TRAPPC8: variants seen among roughly 807,000 people sequenced by gnomAD.
TRAPPC8 encodes general sporulation gene 1 homolog.
In TRAPPC8, 54 loss-of-function variants were observed where a neutral mutation model predicts 174.3. The observed-to-expected ratio is 0.31, with a 90% CI of 0.25 to 0.39. The LOEUF (loss-of-function observed/expected upper bound fraction) is 0.39, where lower values mean the gene tolerates loss of function less well. Ranked by LOEUF, TRAPPC8 falls within the 10% of genes least tolerant of loss-of-function variation. The pLI is 1.00. For missense variants in TRAPPC8, 1,531 were observed against 1,699.1 expected (o/e 0.90, Z 1.74); for synonymous variants, 630 against 579.9 (o/e 1.09, Z -1.24).
intron 18 of TRAPPC8, among the ~76,000 whole-genome samples, chr18:31,865,406 A>G (rs2034538677): frequency 1.3e-5 from 2 of 152,026 alleles, no homozygotes; most frequent in Non-Finnish European, 2.9e-5. Flanking sequence ...TTGCAGGACT[A>G]CTTAAAGCCT....
At chr18:31,861,798 G>A (rs1372249663) in intron 19 of TRAPPC8, among the ~76,000 whole-genome samples, 1 of 151,760 alleles carries the variant, frequency 6.6e-6, no homozygotes, top group Non-Finnish European at 1.5e-5. Flanking sequence ...AATTAGCCAG[G>A]TGTGGTGGCA....
At chr18:31,926,173 T>C (rs951777408) in intron 2 of TRAPPC8, among the ~76,000 whole-genome samples, 1 of 152,148 alleles carries the variant, frequency 6.6e-6, no homozygotes, top group Non-Finnish European at 1.5e-5. Flanking sequence ...TTCCCCCGAT[T>C]AAAGTATTTT....
chr18:31,853,799 C>T (rs761614577), intron 22 of TRAPPC8, 50 bp downstream of exon 22: 2 of 1,387,978 alleles, frequency 1.4e-6, no homozygotes, highest in African/African-American at 1.5e-5. Context: ...TCTGGAAAAC[C>T]AAGTAATGAA....
intron 1 of TRAPPC8, chr18:31,939,648 G>A (rs1423348234): frequency 1.3e-5 from 2 of 152,252 alleles, no homozygotes; most frequent in East Asian, 3.9e-4. Context: ...TGGACGCAGT[G>A]GTCCGAGACG....
chr18:31,907,456 C>A lies in TRAPPC8; in HGVS notation c.1389+4G>T. ...AAGGAATTATAATACCATAGAATAC[C>A]AACCAAGGCACCAGCTGCATAAAGC... On this transcript the variant is annotated splice_donor_region_variant and intron_variant, in intron 9 of 28. Transcript: ENST00000283351. The A allele has an allele frequency of 3.2e-6, 5 of 1,563,592 alleles. No individual in the cohort carries two copies. Among genetic ancestry groups the A allele is most frequent in the South Asian group, 2.5e-5 (2 of 81,016 alleles).
intron 24 of TRAPPC8, among the ~76,000 whole-genome samples, chr18:31,852,104 T>C (rs532939629): frequency 6.6e-6 from 1 of 151,756 alleles, no homozygotes; most frequent in African/African-American, 2.4e-5. Flanking sequence ...CTTTGGGAGG[T>C]TGAGGCAGGC....
intron 26 of TRAPPC8, among the ~76,000 whole-genome samples, chr18:31,844,783 C>T (rs570663476): frequency 2.6e-4 from 39 of 151,280 alleles, no homozygotes; most frequent in Non-Finnish European, 4.4e-4. Context: ...AAATTATCTC[C>T]GCACAAATTA....
intron 2 of TRAPPC8, among the ~76,000 whole-genome samples, chr18:31,924,255 A>T (rs1351141878): frequency 6.6e-6 from 1 of 151,770 alleles, no homozygotes; most frequent in Non-Finnish European, 1.5e-5. Flanking sequence ...ATTGCACTCC[A>T]GCCTGGGCAA....
At chr18:31,868,533 C>A (rs937445908) in intron 16 of TRAPPC8, among the ~76,000 whole-genome samples, 5 of 152,008 alleles carry the variant, frequency 3.3e-5, no homozygotes, top group Non-Finnish European at 1.5e-5. Flanking sequence ...ATTCCAGGCA[C>A]CCAAAAGATT....
At chr18:31,878,684 T>C (rs1375139840) in intron 12 of TRAPPC8, among the ~76,000 whole-genome samples, 1 of 152,154 alleles carries the variant, frequency 6.6e-6, no homozygotes, top group Non-Finnish European at 1.5e-5. Context: ...AGCTTAATTG[T>C]TCTACTCAAA....
chr18:31,862,766 T>A (rs753934262), intron 19 of TRAPPC8, among the ~76,000 whole-genome samples: 1 of 151,924 alleles, frequency 6.6e-6, no homozygotes, highest in Non-Finnish European at 1.5e-5. Context: ...AATCATCCAG[T>A]AAGAAGAAAG....
At chr18:31,936,871 C>T (rs1349976529) in intron 1 of TRAPPC8, among the ~76,000 whole-genome samples, 1 of 127,062 alleles carries the variant, frequency 7.9e-6, no homozygotes, top group African/African-American at 3.1e-5. Flanking sequence ...GACGGCACTG[C>T]AGTCTGGGTG....
At chr18:31,846,450 C>T (rs2033406908) in intron 26 of TRAPPC8, among the ~76,000 whole-genome samples, 1 of 152,088 alleles carries the variant, frequency 6.6e-6, no homozygotes, top group South Asian at 2.1e-4. Context: ...TGGCACACAC[C>T]TGTAGTCTCA....
At chr18:31,855,558 T>G (rs1342568820) in intron 21 of TRAPPC8, 102 bp downstream of exon 21, 2 of 959,022 alleles carry the variant, frequency 2.1e-6, no homozygotes, top group Non-Finnish European at 3.1e-6. Context: ...CTAAAATCCC[T>G]AGCTTATGCT....
Position 31,855,825 on chromosome 18 carries a change from A to G in TRAPPC8, c.3189-18T>C. ...TTCTGTGCCTGAAGTTAAAAAAAAA[A>G]AAAAAAGCACATTTAAGCACAGAGT... On this transcript the variant is annotated intron_variant, in intron 20 of 28. Coordinates refer to ENST00000283351, the MANE Select transcript of TRAPPC8 (RefSeq NM_014939.5). The G allele has an allele frequency of 6.3e-7, 1 of 1,581,738 alleles. No homozygotes were observed. Among genetic ancestry groups the G allele is most frequent in the Non-Finnish European group, 8.5e-7 (1 of 1,172,110 alleles).
At position 31,852,611 on chromosome 18, in the gene TRAPPC8, T is replaced by A; in HGVS notation, c.3486A>T (p.Arg1162Ser). ...EKGKFCFKAIRCEKEEAATQS... is the reference protein window; with the variant it reads ...EKGKFCFKAISCEKEEAATQS... ...TGAATTTACCTTCTTCTTTCTCACA[T>A]CTTATTGCCTTAAAGCAAAACTTTC... The change falls in exon 23 of 29, where the codon AGA (arginine) becomes AGT (serine). Residue 1162 changes from arginine (R) to serine (S), a missense_variant. Arg to Ser is a moderately radical substitution (Grantham distance 110). Coordinates refer to ENST00000283351, the MANE Select transcript of TRAPPC8 (RefSeq NM_014939.5). 6.2e-7 allele frequency: 1 copy of A among 1,614,052 alleles called. No homozygotes were observed. The highest frequency in any genetic ancestry group is 8.5e-7 in the Non-Finnish European group (1 of 1,179,990).
At chr18:31,901,978 CTT>C (rs2036447510) in intron 9 of TRAPPC8, among the ~76,000 whole-genome samples, 1 of 152,308 alleles carries the variant, frequency 6.6e-6, no homozygotes, top group Non-Finnish European at 1.5e-5. Flanking sequence ...TCCCCTTCCT[CTT>C]TGTCACTGTA....
chr18:31,851,344 A>G (rs2033692809), intron 24 of TRAPPC8, among the ~76,000 whole-genome samples: 1 of 152,164 alleles, frequency 6.6e-6, no homozygotes, highest in African/African-American at 2.4e-5. Context: ...TCTAGGTCCA[A>G]TTATGGTCTG....
At chr18:31,853,212 G>A (rs1272567049) in intron 22 of TRAPPC8, among the ~76,000 whole-genome samples, 1 of 152,158 alleles carries the variant, frequency 6.6e-6, no homozygotes, top group Non-Finnish European at 1.5e-5. Flanking sequence ...AGTGGTAAAG[G>A]AAACAAAGAG....
Sources: gnomAD v4.1 joint callset for allele counts (sites outside exome capture counted in the v4.1 genomes callset) on GRCh38, gnomAD v4.1.1 for gene constraint, MANE v1.5 for transcripts, NCBI Gene and HGNC (gene_info 2026-07-23, HGNC 2026-07-21) for gene names.